CCBE1: variants seen among roughly 807,000 people sequenced by gnomAD.
The protein encoded by CCBE1 is collagen and calcium-binding EGF domain-containing protein 1.
CCBE1 carries 37 observed loss-of-function variants against 50.0 expected under a neutral mutation model. The ratio of observed to expected loss-of-function variants is 0.74; its 90% confidence interval spans 0.57 to 0.97. The LOEUF is 0.97. Ranked by LOEUF, CCBE1 falls within the 50% of genes least tolerant of loss-of-function variation. The pLI is 0.00. For synonymous variants in CCBE1, 234 were observed against 203.7 expected (o/e 1.15, Z -1.27); for missense variants, 538 against 523.8 (o/e 1.03, Z -0.26).
In CCBE1 at chr18:59,535,491, T is replaced by C. The variant is rs577615262; in HGVS notation, c.213-55253A>G. Among the ~76,000 whole-genome samples, 32 of 152,256 alleles carry C rather than the reference T, an allele frequency of 2.1e-4. 1 individual carries two copies. In the South Asian group the frequency reaches 6.6e-3, roughly 32 times the overall value. On this transcript the variant is annotated intron_variant, in intron 2 of 10. Coordinates refer to ENST00000439986, the MANE Select transcript of CCBE1 (RefSeq NM_133459.4). The stretch of plus-strand genomic sequence containing the variant: ...AATCACCATGAAAAGTAACATGCAA[T>C]GCATAGCCAAGGTCAAAGTGTGCAC...
intron 2 of CCBE1, among the ~76,000 whole-genome samples, chr18:59,576,652 T>C (rs2053001590): frequency 6.6e-6 from 1 of 152,124 alleles, no homozygotes. Context: ...GAGCTGTGAG[T>C]GAGGCTTGCA....
intron 2 of CCBE1, among the ~76,000 whole-genome samples, chr18:59,626,718 T>G (rs896544856): frequency 2.6e-5 from 4 of 152,268 alleles, no homozygotes; most frequent in Non-Finnish European, 5.9e-5. Context: ...GCCCTCTGAC[T>G]CCAGAATCCA....
intron 5 of CCBE1, among the ~76,000 whole-genome samples, chr18:59,456,903 T>G (rs1261258277): frequency 1.3e-5 from 2 of 152,206 alleles, no homozygotes; most frequent in Non-Finnish European, 2.9e-5. Context: ...GCTTACCTGC[T>G]GCACCACCAT....
rs368442559 is a variant in CCBE1, at chr18:59,683,566, C to T, written c.212+13063G>A. Among the ~76,000 whole-genome samples, 97 of 152,154 alleles carry T rather than the reference C, an allele frequency of 6.4e-4. 1 individual carries two copies. Among genetic ancestry groups the T allele is most frequent in the Middle Eastern group, 6.8e-3 (2 of 294 alleles). On this transcript the variant is annotated intron_variant, in intron 2 of 10. Coordinates refer to ENST00000439986, the MANE Select transcript of CCBE1 (RefSeq NM_133459.4). ...CAAAAAAATTAGCCAGGAGTGGTGG[C>T]GCACGCCTGTAATCCCAGCTACTCA...
chr18:59,603,964 A>G (rs1156740057), intron 2 of CCBE1, among the ~76,000 whole-genome samples: 1 of 152,242 alleles, frequency 6.6e-6, no homozygotes, highest in Non-Finnish European at 1.5e-5. Flanking sequence ...TGTTGTAAAA[A>G]TGAAGTGGGA....
intron 2 of CCBE1, among the ~76,000 whole-genome samples, chr18:59,600,126 G>C (rs760634502): frequency 8.5e-5 from 13 of 152,126 alleles, no homozygotes; most frequent in Non-Finnish European, 1.3e-4. Context: ...CAACCACTGG[G>C]CCATGGACAG....
intron 2 of CCBE1, among the ~76,000 whole-genome samples, chr18:59,549,101 T>TAAAAA (rs1426164680): frequency 7.9e-5 from 2 of 25,240 alleles, no homozygotes; most frequent in African/African-American, 3.2e-4. Context: ...AGACTCCGTC[T>TAAAAA]CAAAAAAAAA....
chr18:59,665,746 T>C (rs1165666236), intron 2 of CCBE1, among the ~76,000 whole-genome samples: 1 of 152,152 alleles, frequency 6.6e-6, no homozygotes, highest in Non-Finnish European at 1.5e-5. Flanking sequence ...TCTTCCTGGG[T>C]AAGCATTTCC....
chr18:59,599,594 A>G (rs2053403837), intron 2 of CCBE1, among the ~76,000 whole-genome samples: 2 of 152,200 alleles, frequency 1.3e-5, no homozygotes, highest in African/African-American at 4.8e-5. Context: ...CTTATCACTT[A>G]TGGTACAATG....
chr18:59,553,638 G>A (rs569978989), intron 2 of CCBE1, among the ~76,000 whole-genome samples: 9 of 152,302 alleles, frequency 5.9e-5, no homozygotes, highest in Non-Finnish European at 1.0e-4. Flanking sequence ...CAGACCAGTC[G>A]CAGTGCCACT....
intron 2 of CCBE1, among the ~76,000 whole-genome samples, chr18:59,505,500 G>C (rs1004140135): frequency 6.6e-5 from 10 of 152,142 alleles, no homozygotes; most frequent in Non-Finnish European, 1.3e-4. Flanking sequence ...ATATCCCCCA[G>C]AATGTAAAAA....
intron 2 of CCBE1, among the ~76,000 whole-genome samples, chr18:59,553,819 G>A (rs576710628): frequency 1.6e-4 from 25 of 152,288 alleles, no homozygotes; most frequent in Non-Finnish European, 2.2e-4. Flanking sequence ...ATGGCGACCC[G>A]GAGGCCAGAG....
intron 2 of CCBE1, among the ~76,000 whole-genome samples, chr18:59,684,062 A>G (rs946930586): frequency 6.6e-6 from 1 of 152,162 alleles, no homozygotes; most frequent in African/African-American, 2.4e-5. Flanking sequence ...CCTATATTTT[A>G]TGGCCTGAAA....
At chr18:59,546,151 C>G (rs1045947863) in intron 2 of CCBE1, among the ~76,000 whole-genome samples, 1 of 152,340 alleles carries the variant, frequency 6.6e-6, no homozygotes, top group Non-Finnish European at 1.5e-5. Flanking sequence ...TAGATATGAA[C>G]TATATGCTGA....
chr18:59,454,530 G>A lies in CCBE1; in HGVS notation c.654+321C>T, dbSNP rs147407885. ...CAAAGTGCTAGGATTACAGGCGTGAGTCACCGCACCCGGCTGGAAATTTAT... is the reference window on the plus strand; with the variant it reads ...CAAAGTGCTAGGATTACAGGCGTGAATCACCGCACCCGGCTGGAAATTTAT... On this transcript the variant is annotated intron_variant, in intron 6 of 10. Coordinates refer to ENST00000439986, the MANE Select transcript of CCBE1 (RefSeq NM_133459.4). 2.8e-3 allele frequency among the ~76,000 whole-genome samples: 430 copies of A among 152,316 alleles called. 1 individual carries two copies. Among genetic ancestry groups the A allele is most frequent in the Middle Eastern group, 0.01 (3 of 294 alleles).
chr18:59,653,217 C>G (rs2054148145), intron 2 of CCBE1, among the ~76,000 whole-genome samples: 2 of 152,308 alleles, frequency 1.3e-5, no homozygotes, highest in Non-Finnish European at 2.9e-5. Context: ...TGCCTCCTAT[C>G]CCAGAGAGCT....
chr18:59,544,481 A>G (rs1385342408), intron 2 of CCBE1, among the ~76,000 whole-genome samples: 2 of 152,244 alleles, frequency 1.3e-5, no homozygotes, highest in African/African-American at 2.4e-5. Flanking sequence ...TTCAAACTAC[A>G]TAAGATGTAC....
chr18:59,564,654 T>G (rs1381450784), intron 2 of CCBE1, among the ~76,000 whole-genome samples: 1 of 152,256 alleles, frequency 6.6e-6, no homozygotes, highest in Non-Finnish European at 1.5e-5. Context: ...GTGAAACATC[T>G]ATGTCTTTCA....
At chr18:59,451,047 T>C (rs998914641) in intron 6 of CCBE1, among the ~76,000 whole-genome samples, 13 of 152,170 alleles carry the variant, frequency 8.5e-5, no homozygotes, top group Non-Finnish European at 1.8e-4. Flanking sequence ...CCACTTCATT[T>C]GGCCATTGTT....
Sources: allele counts gnomAD v4.1 joint callset (sites outside exome capture counted in the v4.1 genomes callset), GRCh38; gene constraint gnomAD v4.1.1; transcripts MANE v1.5; gene names NCBI Gene and HGNC (gene_info 2026-07-23, HGNC 2026-07-21).